MACROD2: variants seen among roughly 807,000 people sequenced by gnomAD.
The protein encoded by MACROD2 is mono-ADP ribosylhydrolase 2.
In MACROD2, 36 loss-of-function variants were observed where a neutral mutation model predicts 70.4. That is an observed-to-expected ratio of 0.51 (90% confidence interval 0.39 to 0.68). MACROD2 has a LOEUF of 0.68. Among genes scored for constraint, MACROD2 ranks in the 30% least tolerant of loss-of-function variants. MACROD2 has a pLI of 0.00. For synonymous variants in MACROD2, 172 were observed against 178.8 expected (o/e 0.96, Z 0.30); for missense variants, 496 against 538.4 (o/e 0.92, Z 0.78).
At chr20:14,260,582 C>T (rs1460310839) in intron 3 of MACROD2, among the ~76,000 whole-genome samples, 1 of 152,102 alleles carries the variant, frequency 6.6e-6, no homozygotes, top group Admixed American at 6.6e-5. Flanking sequence ...GGATTACAGG[C>T]ATGAGCCACC....
chr20:15,465,559 C>A (rs554586851), intron 7 of MACROD2, among the ~76,000 whole-genome samples: 1 of 152,376 alleles, frequency 6.6e-6, no homozygotes, highest in East Asian at 1.9e-4. Context: ...TACACATTTC[C>A]TAGATTCCTT....
chr20:14,144,003 CT>C (rs903742709), intron 3 of MACROD2, among the ~76,000 whole-genome samples: 2 of 151,772 alleles, frequency 1.3e-5, no homozygotes, highest in African/African-American at 4.8e-5. Flanking sequence ...ATCTGATTGA[CT>C]TTTTTTTCTA....
At chr20:14,322,200 A>ATATATATATATATATATATATATATG (rs1318380598) in intron 3 of MACROD2, among the ~76,000 whole-genome samples, 1 of 133,186 alleles carries the variant, frequency 7.5e-6, no homozygotes, top group African/African-American at 2.7e-5. Flanking sequence ...ATATATATAT[A>ATATATATATATATATATATATATATG]TTTTGTATTT....
At chr20:14,019,332 C>G (rs1460019238) in intron 2 of MACROD2, among the ~76,000 whole-genome samples, 1 of 152,064 alleles carries the variant, frequency 6.6e-6, no homozygotes. Flanking sequence ...AGTGCCGTGG[C>G]GCAATCTTGG....
chr20:14,237,553 T>C (rs1303506575), intron 3 of MACROD2, among the ~76,000 whole-genome samples: 3 of 151,508 alleles, frequency 2.0e-5, no homozygotes, highest in African/African-American at 7.3e-5. Flanking sequence ...TTTATTATTA[T>C]TATTATACTT....
At chr20:14,034,319 G>A (rs1015601155) in intron 2 of MACROD2, among the ~76,000 whole-genome samples, 1 of 152,122 alleles carries the variant, frequency 6.6e-6, no homozygotes, top group African/African-American at 2.4e-5. Context: ...TCATTGTATG[G>A]AAGTACTGTG....
chr20:14,293,451 C>T (rs182045896), intron 3 of MACROD2, among the ~76,000 whole-genome samples: 27 of 151,908 alleles, frequency 1.8e-4, no homozygotes, highest in Non-Finnish European at 2.9e-4. Context: ...AAAGAGATGA[C>T]AGTTCAGGTG....
intron 8 of MACROD2, among the ~76,000 whole-genome samples, chr20:15,646,573 C>T (rs1037615136): frequency 6.6e-6 from 1 of 152,170 alleles, no homozygotes; most frequent in African/African-American, 2.4e-5. Flanking sequence ...ACCCAAATCT[C>T]ATCTTGAATT....
At chr20:15,165,612 T>A (rs1395597364) in intron 5 of MACROD2, among the ~76,000 whole-genome samples, 2 of 152,170 alleles carry the variant, frequency 1.3e-5, no homozygotes, top group Non-Finnish European at 2.9e-5. Context: ...ACAAAAACTT[T>A]CCCCAAACAA....
At chr20:14,965,453 CTTTTTTTTTTTTTTTTT>C (rs532870999) in intron 5 of MACROD2, among the ~76,000 whole-genome samples, 1 of 68,052 alleles carries the variant, frequency 1.5e-5, no homozygotes, top group East Asian at 4.9e-4. Context: ...ATTTTTTTTT[CTTTTTTTTTTTTTTTTT>C]TTTTTTTTGA....
intron 5 of MACROD2, among the ~76,000 whole-genome samples, chr20:15,086,087 G>A (rs1402722273): frequency 6.6e-6 from 1 of 151,982 alleles, no homozygotes. Context: ...AGCAATACAC[G>A]TCCCACATCT....
chr20:14,224,650 A>G (rs2081715362), intron 3 of MACROD2, among the ~76,000 whole-genome samples: 1 of 152,082 alleles, frequency 6.6e-6, no homozygotes, highest in South Asian at 2.1e-4. Context: ...CAAACTTCAG[A>G]TCCTTCTTGT....
chr20:15,743,430 G>A (rs1348361975), intron 8 of MACROD2, among the ~76,000 whole-genome samples: 1 of 152,128 alleles, frequency 6.6e-6, no homozygotes, highest in Admixed American at 6.5e-5. Context: ...GGAAAAAAGG[G>A]TACTGGAATG....
At chr20:14,587,158 G>A (rs6042802) in intron 4 of MACROD2, among the ~76,000 whole-genome samples, 148,893 of 151,852 alleles carry the variant, frequency 0.98, 73,066 homozygotes, top group East Asian at 1. Context: ...TTTGTTTCTA[G>A]GTGATTACTG....
intron 6 of MACROD2, among the ~76,000 whole-genome samples, chr20:15,427,194 C>A (rs575858272): frequency 1.3e-5 from 2 of 152,174 alleles, no homozygotes; most frequent in South Asian, 2.1e-4. Context: ...TTACCAAAGT[C>A]ATCCTCCATT....
At chr20:15,147,821 C>T (rs952097453) in intron 5 of MACROD2, among the ~76,000 whole-genome samples, 1 of 151,886 alleles carries the variant, frequency 6.6e-6, no homozygotes, top group African/African-American at 2.4e-5. Flanking sequence ...GGGGTGGGGC[C>T]ATTTTATAGG....
intron 8 of MACROD2, among the ~76,000 whole-genome samples, chr20:15,582,740 A>G (rs1438326973): frequency 6.6e-6 from 1 of 152,168 alleles, no homozygotes; most frequent in East Asian, 1.9e-4. Context: ...GATTGGGAGA[A>G]AAGACGTGTC....
chr20:16,035,745 G>T (rs1187065294), intron 15 of MACROD2, among the ~76,000 whole-genome samples: 1 of 149,886 alleles, frequency 6.7e-6, no homozygotes, highest in Non-Finnish European at 1.5e-5. Flanking sequence ...TGGATATTAG[G>T]ATCAACTGCA....
chr20:14,515,354 T>C (rs181711436), intron 4 of MACROD2, among the ~76,000 whole-genome samples: 1 of 152,112 alleles, frequency 6.6e-6, no homozygotes. Context: ...GCCAAAGAGA[T>C]ATCTGCACTC....
Sources: allele counts gnomAD v4.1 joint callset (sites outside exome capture counted in the v4.1 genomes callset), GRCh38; gene constraint gnomAD v4.1.1; transcripts MANE v1.5; gene names NCBI Gene and HGNC (gene_info 2026-07-23, HGNC 2026-07-21).